Variants in WASL observed in about 807,000 individuals in gnomAD.
WASL encodes the protein WASP like actin nucleation promoting factor.
A neutral mutation model predicts 55.5 loss-of-function variants in WASL; 20 were observed. The observed-to-expected ratio is 0.36, with a 90% CI of 0.25 to 0.52. The LOEUF is 0.52. WASL is among the 20% of genes least tolerant of loss of function. The probability of loss-of-function intolerance (pLI) is 0.92; values close to 1 mark genes in which losing one functional copy is unlikely to be tolerated. For missense variants in WASL, 504 were observed against 622.5 expected (o/e 0.81, Z 2.03); for synonymous variants, 249 against 217.6 (o/e 1.14, Z -1.27).
At chr7:123,730,334 G>C (rs1055159227) in intron 1 of WASL, among the ~76,000 whole-genome samples, 3 of 152,026 alleles carry the variant, frequency 2.0e-5, no homozygotes, top group Admixed American at 2.0e-4. Context: ...ATAGAAAATA[G>C]TTTGATTAAA....
intron 1 of WASL, among the ~76,000 whole-genome samples, chr7:123,730,924 T>C (rs1804126526): frequency 6.6e-6 from 1 of 152,160 alleles, no homozygotes; most frequent in East Asian, 1.9e-4. Flanking sequence ...ATCCCACTGG[T>C]AGTTTTTAAA....
At chr7:123,715,678 T>A (rs1261212200) in intron 1 of WASL, among the ~76,000 whole-genome samples, 2 of 152,172 alleles carry the variant, frequency 1.3e-5, no homozygotes, top group Admixed American at 6.5e-5. Flanking sequence ...CACTTTATTA[T>A]ATACAAAAGC....
intron 9 of WASL, among the ~76,000 whole-genome samples, chr7:123,691,384 C>G (rs1803405395): frequency 6.6e-6 from 1 of 151,942 alleles, no homozygotes; most frequent in South Asian, 2.1e-4. Flanking sequence ...CCAGCCTGTT[C>G]TTGGATTTTT....
chr7:123,730,566 C>G (rs947838054), intron 1 of WASL, among the ~76,000 whole-genome samples: 1 of 151,736 alleles, frequency 6.6e-6, no homozygotes, highest in Non-Finnish European at 1.5e-5. Flanking sequence ...ATAAGTATAA[C>G]TGCTGTTAGA....
At position 123,723,058 on chromosome 7, in the gene WASL, T is replaced by C. The variant is rs115136850; in HGVS notation, c.118-13835A>G. Among the ~76,000 whole-genome samples, 684 of 152,266 alleles carry C rather than the reference T, an allele frequency of 4.5e-3. 5 individuals are homozygous for C. Among genetic ancestry groups the C allele is most frequent in the African/African-American group, 0.015 (606 of 41,562 alleles). On this transcript the variant is annotated intron_variant, in intron 1 of 10. Transcript: ENST00000223023. ...GAACTACCCTATCCCTGTTTTCCCA[T>C]CTATAAAATGGGACTAACTTTATTT...
At chr7:123,718,310 A>G (rs1184092066) in intron 1 of WASL, among the ~76,000 whole-genome samples, 1 of 152,182 alleles carries the variant, frequency 6.6e-6, no homozygotes, top group Admixed American at 6.6e-5. Context: ...GGGTGAGAAA[A>G]TGATGCATCA....
chr7:123,693,130 C>A (rs1315579674), intron 8 of WASL, among the ~76,000 whole-genome samples: 1 of 151,746 alleles, frequency 6.6e-6, no homozygotes, highest in Non-Finnish European at 1.5e-5. Context: ...GGAATTAGTA[C>A]CAGTTCTGAA....
intron 1 of WASL, among the ~76,000 whole-genome samples, chr7:123,715,896 C>T (rs772486904): frequency 1.3e-5 from 2 of 152,128 alleles, no homozygotes; most frequent in Non-Finnish European, 2.9e-5. Context: ...TTTCTACTAC[C>T]AGAAGGATAA....
chr7:123,716,822 T>C (rs774990662), intron 1 of WASL, among the ~76,000 whole-genome samples: 4 of 152,236 alleles, frequency 2.6e-5, no homozygotes, highest in Middle Eastern at 3.4e-3. Flanking sequence ...TAGAGCCAAA[T>C]AGCACTTAAT....
At chr7:123,695,988 C>T (rs893475802) in intron 6 of WASL, 123 bp from the exon 7 acceptor site, 1 of 768,842 alleles carries the variant, frequency 1.3e-6, no homozygotes, top group Non-Finnish European at 2.1e-6. Flanking sequence ...ACAGTTCTCA[C>T]AGACATAACC....
intron 1 of WASL, among the ~76,000 whole-genome samples, chr7:123,721,339 G>A (rs1208581312): frequency 6.6e-6 from 1 of 151,816 alleles, no homozygotes; most frequent in Non-Finnish European, 1.5e-5. Context: ...AATCAAGGTG[G>A]GCAAAAAACG....
intron 5 of WASL, among the ~76,000 whole-genome samples, chr7:123,700,139 G>A (rs1226152747): frequency 3.5e-5 from 4 of 114,820 alleles, no homozygotes. Context: ...TAGCGCCACT[G>A]CACTCCAGCC....
At chr7:123,715,028 T>A (rs572406876) in intron 1 of WASL, among the ~76,000 whole-genome samples, 6 of 152,040 alleles carry the variant, frequency 3.9e-5, no homozygotes, top group Non-Finnish European at 5.9e-5. Context: ...AGACACAGAT[T>A]TAATGTTAAA....
chr7:123,734,591 T>TAAA (rs71161498), intron 1 of WASL, among the ~76,000 whole-genome samples: 1,645 of 92,286 alleles, frequency 0.018, 28 homozygotes, highest in African/African-American at 0.026. Context: ...ATAGAAAATG[T>TAAA]AAAAAAAAAA....
chr7:123,705,573 T>G (rs1803655581), intron 4 of WASL, among the ~76,000 whole-genome samples: 1 of 152,182 alleles, frequency 6.6e-6, no homozygotes. Context: ...CTGCTTAAGA[T>G]GATTTTGGAG....
In WASL at chr7:123,682,222, T is replaced by G. The variant is rs1265272610; in HGVS notation, c.*2297A>C. On this transcript the variant is annotated 3_prime_UTR_variant, in exon 11 of 11. Coordinates refer to ENST00000223023, the MANE Select transcript of WASL (RefSeq NM_003941.4). The stretch of plus-strand genomic sequence containing the variant: ...TTTAGCTGGAGAATATACGGAAGGC[T>G]TTCAGACAACGCACAGGTATAGTGC... 6.6e-6 allele frequency: 1 copy of G among 152,108 alleles called. No homozygotes were observed. Among genetic ancestry groups the G allele is most frequent in the Non-Finnish European group, 1.5e-5 (1 of 68,014 alleles). The allele number at this position is 152,108 out of a possible 1,614,324, so 9.4% of individuals were successfully genotyped here. A position where few individuals can be genotyped will look rare whatever the true frequency, so the allele number is the denominator to read the frequency against.
At chr7:123,735,894 G>C (rs1804221046) in intron 1 of WASL, among the ~76,000 whole-genome samples, 1 of 152,062 alleles carries the variant, frequency 6.6e-6, no homozygotes, top group African/African-American at 2.4e-5. Context: ...AAAAAATCAT[G>C]TCTGAAGTTT....
chr7:123,740,472 CTATATT>C (rs781377143), intron 1 of WASL, among the ~76,000 whole-genome samples: 11 of 152,290 alleles, frequency 7.2e-5, no homozygotes, highest in Non-Finnish European at 1.5e-4. Flanking sequence ...TTGTATTACA[CTATATT>C]TATGAATATG....
chr7:123,717,651 GA>G (rs1803868269), intron 1 of WASL, among the ~76,000 whole-genome samples: 1 of 152,190 alleles, frequency 6.6e-6, no homozygotes, highest in African/African-American at 2.4e-5. Context: ...CCCCAGGCAA[GA>G]AACATGTTTT....
Sources: gnomAD v4.1 joint callset for allele counts (sites outside exome capture counted in the v4.1 genomes callset) on GRCh38, gnomAD v4.1.1 for gene constraint, MANE v1.5 for transcripts, NCBI Gene and HGNC (gene_info 2026-07-23, HGNC 2026-07-21) for gene names.